USP3: variants seen among roughly 807,000 people sequenced by gnomAD.
USP3 encodes the protein ubiquitin carboxyl-terminal hydrolase 3.
Under a neutral mutation model 72.3 loss-of-function variants are expected in USP3, and 20 were observed. The ratio of observed to expected loss-of-function variants is 0.28; its 90% CI spans 0.19 to 0.40. The LOEUF is 0.40. Among genes scored for constraint, USP3 ranks in the 10% least tolerant of loss-of-function variants. USP3 has a pLI of 1.00. For synonymous variants in USP3, 222 were observed against 225.3 expected (o/e 0.99, Z 0.13); for missense variants, 479 against 633.9 (o/e 0.76, Z 2.62).
chr15:63,593,507 A>C lies in USP3; in HGVS notation c.*2681A>C, dbSNP rs2067240852. 2 of 152,258 alleles carry C rather than the reference A, an allele frequency of 1.3e-5. No individual in the cohort carries two copies. Among genetic ancestry groups the C allele is most frequent in the Non-Finnish European group, 2.9e-5 (2 of 68,050 alleles). 9.4% of individuals were successfully genotyped at this position (152,258 alleles called of 1,614,324 possible). On this transcript the variant is annotated 3_prime_UTR_variant, in exon 15 of 15. Coordinates refer to ENST00000380324, the MANE Select transcript of USP3 (RefSeq NM_006537.4). ...TTATACCAAATGGAACTTCAGCAAC[A>C]CGTTGGACTACTTTGTCGGGCAGAG...
At chr15:63,555,389 C>T (rs900007587) in intron 4 of USP3, among the ~76,000 whole-genome samples, 1 of 152,216 alleles carries the variant, frequency 6.6e-6, no homozygotes, top group Non-Finnish European at 1.5e-5. Flanking sequence ...GAAATGTTCT[C>T]CATCCACTCT....
intron 8 of USP3, among the ~76,000 whole-genome samples, chr15:63,565,368 A>G (rs1175665230): frequency 6.6e-6 from 1 of 152,174 alleles, no homozygotes; most frequent in Non-Finnish European, 1.5e-5. Context: ...ACCTTTTCCA[A>G]CATACATATG....
At chr15:63,519,686 C>G (rs2065892830) in intron 1 of USP3, among the ~76,000 whole-genome samples, 1 of 151,938 alleles carries the variant, frequency 6.6e-6, no homozygotes, top group South Asian at 2.1e-4. Flanking sequence ...AAAGTTTTAC[C>G]CAGTAGTTTC....
chr15:63,533,700 G>T, intron 2 of USP3: 1 of 370,552 alleles, frequency 2.7e-6, no homozygotes, highest in Non-Finnish European at 4.9e-6. Flanking sequence ...TTCACATTTT[G>T]AGTCCTGGAA....
At chr15:63,551,723 C>T (rs1442046596) in intron 3 of USP3, 3 of 152,160 alleles carry the variant, frequency 2.0e-5, no homozygotes, top group Non-Finnish European at 4.4e-5. Flanking sequence ...TTTTACACTG[C>T]TTCAGTTATT....
At chr15:63,512,292 C>G (rs2065794624) in intron 1 of USP3, among the ~76,000 whole-genome samples, 1 of 143,308 alleles carries the variant, frequency 7.0e-6, no homozygotes, top group African/African-American at 2.9e-5. Flanking sequence ...TCTTCTTCCT[C>G]TTCTTCTTCC....
intron 2 of USP3, 127 bp downstream of exon 2, chr15:63,532,834 G>T: frequency 1.0e-6 from 1 of 963,228 alleles, no homozygotes. Context: ...TTCCCTGTAG[G>T]GCTTCCTTCT....
Position 63,544,872 on chromosome 15 carries a change from C to A in USP3, c.284+7716C>A. The A allele has an allele frequency of 1.7e-6, 1 of 584,928 alleles. No individual in the cohort carries two copies. Among genetic ancestry groups the A allele is most frequent in the Non-Finnish European group, 3.0e-6 (1 of 329,756 alleles). The allele number at this position is 584,928 out of a possible 1,614,324, so 36.2% of individuals were successfully genotyped here. ...CTGACATTGTGGGGACCATCAAATACTATACTTAGTTCAGTTACAGATAGC... is the reference window on the plus strand; with the variant it reads ...CTGACATTGTGGGGACCATCAAATAATATACTTAGTTCAGTTACAGATAGC... On this transcript the variant is annotated intron_variant, in intron 3 of 14. Coordinates refer to ENST00000380324, the MANE Select transcript of USP3 (RefSeq NM_006537.4). The surrounding 1 kb of genome is among the most constrained non-coding windows in gnomAD (Gnocchi z 4.2).
rs1230892671 is a variant in USP3, at chr15:63,544,153, C to CT, written c.284+7003dup. On this transcript the variant is annotated intron_variant, in intron 3 of 14. Coordinates refer to ENST00000380324, the MANE Select transcript of USP3 (RefSeq NM_006537.4). This position sits in a 1 kb window ranked among gnomAD's most constrained non-coding sequence, Gnocchi z 4.2. ...TCTAGCTCATTCTTTAAAAATTATTCTTTTTTGTAATATATAATTTAGATT... is the reference window on the plus strand; with the variant it reads ...TCTAGCTCATTCTTTAAAAATTATTCTTTTTTTGTAATATATAATTTAGATT... 6.7e-6 allele frequency: 1 copy of CT among 148,230 alleles called. No individual in the cohort carries two copies. Among genetic ancestry groups the CT allele is most frequent in the African/African-American group, 2.5e-5 (1 of 40,428 alleles). The allele number at this position is 148,230 out of a possible 1,614,324, so 9.2% of individuals were successfully genotyped here. A position where few individuals can be genotyped will look rare whatever the true frequency, so the allele number is the denominator to read the frequency against.
At chr15:63,526,652 A>G (rs1216737798) in intron 1 of USP3, among the ~76,000 whole-genome samples, 1 of 152,158 alleles carries the variant, frequency 6.6e-6, no homozygotes, top group Non-Finnish European at 1.5e-5. Flanking sequence ...GATTCCACAT[A>G]CTTCCCACAC....
intron 11 of USP3, among the ~76,000 whole-genome samples, chr15:63,581,100 C>A (rs1204142704): frequency 1.3e-5 from 2 of 152,106 alleles, no homozygotes; most frequent in Non-Finnish European, 2.9e-5. Flanking sequence ...GCCACCGTGC[C>A]TGGCTGCTAA....
intron 3 of USP3, among the ~76,000 whole-genome samples, chr15:63,545,511 C>CT (rs1475938945): frequency 1.3e-5 from 2 of 151,956 alleles, no homozygotes; most frequent in Non-Finnish European, 2.9e-5. Context: ...TCTTACCTTC[C>CT]TTTTTTATAT....
chr15:63,549,795 G>A (rs1022800916), intron 3 of USP3, among the ~76,000 whole-genome samples: 4 of 152,068 alleles, frequency 2.6e-5, no homozygotes, highest in Non-Finnish European at 5.9e-5. Context: ...TCTATTCCTG[G>A]TTTACTCTTT....
rs189037549 is a variant in USP3 at position 63,523,780 on chromosome 15, A to G, written c.92-8867A>G. Among the ~76,000 whole-genome samples the G allele has an allele frequency of 1.8e-3, 280 of 152,330 alleles. 2 individuals carry two copies. The highest frequency in any genetic ancestry group is 6.6e-3 in the African/African-American group (274 of 41,570). On this transcript the variant is annotated intron_variant, in intron 1 of 14. Transcript: ENST00000380324. ...GGAATATGTCAGAACTCTTGGGGTA[A>G]AGAGAAATAGAAGCAGAATGAGTAA...
chr15:63,506,316 C>T (rs184666875), intron 1 of USP3, among the ~76,000 whole-genome samples: 1 of 151,742 alleles, frequency 6.6e-6, no homozygotes, highest in African/African-American at 2.4e-5. Flanking sequence ...TAACTGTAGC[C>T]ATTGCTGTGG....
chr15:63,576,450 C>T (rs1443928840), intron 11 of USP3, among the ~76,000 whole-genome samples: 2 of 152,106 alleles, frequency 1.3e-5, no homozygotes, highest in Admixed American at 1.3e-4. Flanking sequence ...TTCTTATTGA[C>T]TTTCATAACA....
At chr15:63,516,948 T>C (rs1318778199) in intron 1 of USP3, among the ~76,000 whole-genome samples, 1 of 151,744 alleles carries the variant, frequency 6.6e-6, no homozygotes, top group African/African-American at 2.4e-5. Context: ...TCTGGAACTC[T>C]TATTAGTTGG....
At chr15:63,555,248 T>G (rs552558678) in intron 4 of USP3, among the ~76,000 whole-genome samples, 2 of 151,888 alleles carry the variant, frequency 1.3e-5, no homozygotes, top group Non-Finnish European at 2.9e-5. Context: ...TTCATTTTTG[T>G]GTTTTGCAAA....
At chr15:63,557,977 T>C in intron 5 of USP3, 129 bp from the exon 6 acceptor site, 3 of 777,366 alleles carry the variant, frequency 3.9e-6, no homozygotes, top group Non-Finnish European at 6.5e-6. Context: ...GAAATATTCA[T>C]TGGACAGAAA....
Sources: gnomAD v4.1 joint callset for allele counts (sites outside exome capture counted in the v4.1 genomes callset) on GRCh38, gnomAD v4.1.1 for gene constraint, Gnocchi (gnomAD v3.1) non-coding constraint, MANE v1.5 for transcripts, NCBI Gene and HGNC (gene_info 2026-07-23, HGNC 2026-07-21) for gene names.